The following ADGRE3 variants were observed in gnomAD, a reference collection of about 807,000 sequenced individuals.
ADGRE3 encodes the protein EGF-like module receptor 3.
In ADGRE3, 88 loss-of-function variants were observed where a neutral mutation model predicts 80.1. The ratio of observed to expected loss-of-function variants is 1.10; its 90% CI spans 0.93 to 1.31. The LOEUF (loss-of-function observed/expected upper bound fraction) is 1.31. Among genes scored for constraint, ADGRE3 ranks in the 40% most tolerant of loss-of-function variants. The pLI is 0.00. For missense variants in ADGRE3, 715 were observed against 776.5 expected (o/e 0.92, Z 0.94); for synonymous variants, 281 against 294.8 (o/e 0.95, Z 0.48).
chr19:14,647,185 A>G lies in ADGRE3; in HGVS notation c.878T>C (p.Val293Ala). Residue 293 changes from valine to alanine, a missense_variant, in exon 8 of 16, where the codon GTG becomes GCG. Physicochemically the swap from Val to Ala is moderately conservative, Grantham distance 64. Coordinates refer to ENST00000253673, the MANE Select transcript of ADGRE3 (RefSeq NM_032571.5). The stretch of plus-strand genomic sequence containing the variant: ...CAAATCATACCTGTGACCCACCTTC[A>G]CGTGCTGGAAAGTCAGCGTCACAGA... ...SKSVTLTFQH[V>A]KMTPSTKKVF... 1 of 1,613,530 alleles carries G rather than the reference A, an allele frequency of 6.2e-7. No homozygotes were observed. The highest frequency in any genetic ancestry group is 1.1e-5 in the South Asian group (1 of 91,068).
At chr19:14,609,255 T>C in the ADGRE3 span, among the ~76,000 whole-genome samples, 1 of 152,176 alleles carries the variant, frequency 6.6e-6, no homozygotes. Context: ...TGTGACAAGT[T>C]GGGATGACTC....
At chr19:14,656,455 C>T (rs74258479) in intron 5 of ADGRE3, among the ~76,000 whole-genome samples, 9 of 151,808 alleles carry the variant, frequency 5.9e-5, no homozygotes, top group East Asian at 3.9e-4. Flanking sequence ...TCCTGCCCAC[C>T]GACTAGATTT....
chr19:14,639,670 C>T (rs1971193279), intron 10 of ADGRE3, among the ~76,000 whole-genome samples: 1 of 152,100 alleles, frequency 6.6e-6, no homozygotes. Flanking sequence ...TCCACCATTG[C>T]CTCCCAGTGT....
At position 14,655,059 on chromosome 19, in the gene ADGRE3, T is replaced by A; in HGVS notation, c.500A>T (p.Asp167Val). ...AGTTTCTAGAACTTTCGATTCCACA[T>A]CCCGGAGAATAGTGGTAGCTGTGGA... is the stretch of plus-strand genomic sequence containing the variant. ...ISSTATTILR[D>V]VESKVLETAL... The change falls in exon 6 of 16, where the codon GAT becomes GTT. Residue 167 changes from aspartate to valine, a missense_variant. Asp to Val is a radical substitution (Grantham distance 152). Transcript: ENST00000253673. 1 of 1,614,078 alleles carries A rather than the reference T, an allele frequency of 6.2e-7. No homozygotes were observed. Among genetic ancestry groups the A allele is most frequent in the Non-Finnish European group, 8.5e-7 (1 of 1,179,956 alleles).
Position 14,653,669 on chromosome 19 carries a change from C to T in ADGRE3, c.577+1313G>A, listed in dbSNP as rs145195237. 2.0e-5 allele frequency among the ~76,000 whole-genome samples: 3 copies of T among 151,708 alleles called. No individual in the cohort carries two copies. In the East Asian group the frequency reaches 5.9e-4, roughly 30 times the overall value. On this transcript the variant is annotated intron_variant, in intron 6 of 15. Coordinates refer to ENST00000253673, the MANE Select transcript of ADGRE3 (RefSeq NM_032571.5). ...CTCACTGCAGCCTCGAACTCCTGGG[C>T]TCAAGCGATCCTCCCACCTCAGCCT...
Position 14,663,447 on chromosome 19 carries a change from A to G in ADGRE3, c.170T>C (p.Leu57Pro). The G allele has an allele frequency of 6.2e-7, 1 of 1,610,398 alleles. No homozygotes were observed. The highest frequency in any genetic ancestry group is 8.5e-7 in the Non-Finnish European group (1 of 1,177,524). Reference sequence around the variant, plus strand: ...ACATGTCTCCAAGGGGAATGTGAATAGTTTCTGCCCAGATCCAGAAGTATA... The same window carrying G: ...ACATGTCTCCAAGGGGAATGTGAATGGTTTCTGCCCAGATCCAGAAGTATA... ...HGYTSGSGQK[L>P]FTFPLETCND... Residue 57 changes from leucine (L) to proline (P), a missense_variant, in exon 3 of 16, where the codon CTA (leucine) becomes CCA (proline). By Grantham distance (98) the Leu-to-Pro change is moderately conservative. Coordinates refer to ENST00000253673, the MANE Select transcript of ADGRE3 (RefSeq NM_032571.5).
chr19:14,645,693 CG>C, intron 8 of ADGRE3, among the ~76,000 whole-genome samples: 1 of 151,824 alleles, frequency 6.6e-6, no homozygotes, highest in Non-Finnish European at 1.5e-5. Flanking sequence ...AAAAACAGGT[CG>C]GATGAAGTCG....
At chr19:14,634,431 A>G (rs1447973378) in intron 11 of ADGRE3, among the ~76,000 whole-genome samples, 1 of 152,152 alleles carries the variant, frequency 6.6e-6, no homozygotes, top group Admixed American at 6.6e-5. Context: ...ATGTGATTTA[A>G]TATAGTTAGA....
At chr19:14,642,121 T>A (rs1971270823) in intron 9 of ADGRE3, among the ~76,000 whole-genome samples, 1 of 152,178 alleles carries the variant, frequency 6.6e-6, no homozygotes, top group Non-Finnish European at 1.5e-5. Context: ...TGGTGGTTGA[T>A]GATTGCACGA....
At chr19:14,640,210 AAAGGCATTCCTC>A (rs1168867999) in intron 10 of ADGRE3, among the ~76,000 whole-genome samples, 2 of 152,278 alleles carry the variant, frequency 1.3e-5, no homozygotes, top group East Asian at 3.9e-4. Context: ...ATTAGTTTAC[AAAGGCATTCCTC>A]ATACCTATTC....
At chr19:14,620,568 A>ATTTTTTTTT (rs1189295641) in intron 15 of ADGRE3, among the ~76,000 whole-genome samples, 4 of 11,052 alleles carry the variant, frequency 3.6e-4, no homozygotes, top group East Asian at 2.9e-3. Context: ...ATATATATAT[A>ATTTTTTTTT]TTTTTTTTTT....
intron 10 of ADGRE3, among the ~76,000 whole-genome samples, chr19:14,639,700 G>C (rs891867250): frequency 6.6e-6 from 1 of 152,140 alleles, no homozygotes; most frequent in African/African-American, 2.4e-5. Context: ...GCAGGTGTCA[G>C]CCACTGTGTC....
intron 14 of ADGRE3, 100 bp downstream of exon 14, chr19:14,629,939 T>C (rs1447794379): frequency 4.1e-6 from 3 of 731,852 alleles, no homozygotes; most frequent in Non-Finnish European, 6.5e-6. Context: ...GATTATAATC[T>C]CATGTGGAAC....
chr19:14,604,690 G>A, the ADGRE3 span, among the ~76,000 whole-genome samples: 2 of 151,842 alleles, frequency 1.3e-5, no homozygotes, highest in Admixed American at 1.3e-4. Context: ...TTGAACCTGC[G>A]AGGCGGAGGG....
At chr19:14,638,674 G>A (rs931779166) in intron 10 of ADGRE3, among the ~76,000 whole-genome samples, 6 of 152,150 alleles carry the variant, frequency 3.9e-5, no homozygotes, top group African/African-American at 1.4e-4. Flanking sequence ...GGGACTGAAA[G>A]GGTAGCAGAA....
downstream of ADGRE3, among the ~76,000 whole-genome samples, chr19:14,614,896 T>TG (rs2075066603): frequency 6.6e-6 from 1 of 150,920 alleles, no homozygotes; most frequent in African/African-American, 2.4e-5. Flanking sequence ...CATTTTTTTT[T>TG]TTTTTTAAAG....
intron 11 of ADGRE3, 111 bp from the exon 12 acceptor site, chr19:14,633,413 C>T (rs1476012258): frequency 3.7e-6 from 3 of 809,752 alleles, no homozygotes; most frequent in Non-Finnish European, 5.8e-6. Flanking sequence ...TCTTGAAAGT[C>T]AGCTGATGAC....
In ADGRE3 at chr19:14,651,150, T is replaced by C. The variant is rs763354843; in HGVS notation, c.632A>G (p.Asn211Ser). The stretch of plus-strand genomic sequence containing the variant: ...CATTGAGTTCATTTGGACGTTCAAG[T>C]TGAATGTCTTTCTTTCTTCAGAGCA... ...DNCSEERKTFNLNVQMNSMDI... is the reference protein window; with the variant it reads ...DNCSEERKTFSLNVQMNSMDI... Residue 211 changes from asparagine (N) to serine (S), a missense_variant, in exon 7 of 16, where the codon AAC becomes AGC. Transcript: ENST00000253673. 4.8e-5 allele frequency: 77 copies of C among 1,614,016 alleles called. No homozygotes were observed. Among genetic ancestry groups the C allele is most frequent in the Non-Finnish European group, 6.1e-5 (72 of 1,179,964 alleles).
At chr19:14,672,013 G>A (rs772950318) in intron 1 of ADGRE3, among the ~76,000 whole-genome samples, 8 of 152,272 alleles carry the variant, frequency 5.3e-5, no homozygotes, top group Non-Finnish European at 1.0e-4. Context: ...GCCTCCCAAA[G>A]TGTTGGCATT....
Sources: gnomAD v4.1 joint callset for allele counts (sites outside exome capture counted in the v4.1 genomes callset) on GRCh38, gnomAD v4.1.1 for gene constraint, MANE v1.5 for transcripts, NCBI Gene and HGNC (gene_info 2026-07-23, HGNC 2026-07-21) for gene names.